CNTLN: variants seen among roughly 807,000 people sequenced by gnomAD.
The protein encoded by CNTLN is centlein, centrosomal protein.
CNTLN carries 212 observed loss-of-function variants against 180.0 expected under a neutral mutation model. The ratio of observed to expected loss-of-function variants is 1.18; its 90% CI spans 1.05 to 1.32. The LOEUF is 1.32. Ranked by LOEUF, CNTLN falls within the 40% of genes most tolerant of loss-of-function variation. The pLI, the probability that CNTLN is intolerant of heterozygous loss-of-function variation, is 0.00. For synonymous variants in CNTLN, 722 were observed against 563.1 expected (o/e 1.28, Z -3.99); for missense variants, 2,095 against 1,610.9 (o/e 1.30, Z -5.14).
chr9:17,303,706 A>G (rs1818522171), intron 7 of CNTLN, among the ~76,000 whole-genome samples: 1 of 152,054 alleles, frequency 6.6e-6, no homozygotes, highest in Admixed American at 6.6e-5. Flanking sequence ...CATTATATGT[A>G]TTGTCTTTAT....
At position 17,226,217 on chromosome 9, in the gene CNTLN, C is replaced by A; in HGVS notation, c.464C>A (p.Ser155Tyr). Residue 155 changes from serine (S) to tyrosine (Y), a missense_variant, in exon 3 of 26, where the codon TCT (serine) becomes TAT (tyrosine). Physicochemically the swap from Ser to Tyr is moderately radical, Grantham distance 144 (BLOSUM62 -2). Transcript: ENST00000380647. Reference sequence around the variant, plus strand: ...TTTATATCTAGAGAAAAACAGAAATCTGAAGCTAAAGACAGAAAAGTTCTA... The same window carrying A: ...TTTATATCTAGAGAAAAACAGAAATATGAAGCTAAAGACAGAAAAGTTCTA... The part of the protein sequence containing the change: ...SLVVEREKQK[S>Y]EAKDRKVLEI... The A allele has an allele frequency of 6.4e-7, 1 of 1,564,566 alleles. No homozygotes were observed. Among genetic ancestry groups the A allele is most frequent in the Non-Finnish European group, 8.7e-7 (1 of 1,155,108 alleles).
At chr9:17,306,298 T>C (rs1405227135) in intron 7 of CNTLN, among the ~76,000 whole-genome samples, 2 of 152,008 alleles carry the variant, frequency 1.3e-5, no homozygotes, top group Non-Finnish European at 2.9e-5. Flanking sequence ...TACAGGCGTG[T>C]GCCACCATGC....
chr9:17,509,856 G>A, the CNTLN span, among the ~76,000 whole-genome samples: 1 of 152,068 alleles, frequency 6.6e-6, no homozygotes, highest in African/African-American at 2.4e-5. Flanking sequence ...GCTTCCACCA[G>A]GAGACACAAC....
the CNTLN span, among the ~76,000 whole-genome samples, chr9:17,519,100 A>G: frequency 4.6e-5 from 7 of 151,324 alleles, no homozygotes; most frequent in African/African-American, 1.7e-4. Context: ...TTATTTATTT[A>G]TTTATTTTTT....
At chr9:17,250,525 G>A (rs927687055) in intron 5 of CNTLN, among the ~76,000 whole-genome samples, 1 of 151,600 alleles carries the variant, frequency 6.6e-6, no homozygotes, top group Non-Finnish European at 1.5e-5. Context: ...ATTTCTTTGT[G>A]CTTACCATGT....
At chr9:17,401,959 T>C (rs1827012335) in intron 15 of CNTLN, among the ~76,000 whole-genome samples, 1 of 151,730 alleles carries the variant, frequency 6.6e-6, no homozygotes, top group South Asian at 2.1e-4. Flanking sequence ...ACAAATTATA[T>C]AAAAAGACGC....
rs1233525402 is a variant in CNTLN, at chr9:17,503,108, G to T, written c.*456G>T. 2.0e-5 allele frequency: 3 copies of T among 152,338 alleles called. No individual in the cohort carries two copies. The highest frequency in any genetic ancestry group is 2.9e-5 in the Non-Finnish European group (2 of 68,148). 9.4% of individuals were successfully genotyped at this position (152,338 alleles called of 1,614,324 possible). On this transcript the variant is annotated 3_prime_UTR_variant, in exon 26 of 26. Coordinates refer to ENST00000380647, the MANE Select transcript of CNTLN (RefSeq NM_017738.4). ...TTTGTAGTATGAGCAAATATAAAAT[G>T]AAGCATCATAACTTGAGCATTTATT...
chr9:17,440,484 G>C (rs1417073949), intron 18 of CNTLN, among the ~76,000 whole-genome samples: 1 of 150,138 alleles, frequency 6.7e-6, no homozygotes, highest in Non-Finnish European at 1.5e-5. Flanking sequence ...AGCTATTCGA[G>C]AGGCTGAGGC....
chr9:17,398,157 G>A (rs1459122794), intron 15 of CNTLN, among the ~76,000 whole-genome samples: 1 of 152,140 alleles, frequency 6.6e-6, no homozygotes, highest in African/African-American at 2.4e-5. Flanking sequence ...AGGAGGAGGT[G>A]TTTATATCTT....
chr9:17,469,770 C>G (rs1831955164), intron 23 of CNTLN, among the ~76,000 whole-genome samples: 2 of 151,962 alleles, frequency 1.3e-5, no homozygotes, highest in East Asian at 1.9e-4. Context: ...AGATTTAACT[C>G]TGGGCCTTTC....
At chr9:17,320,783 A>G (rs1819857356) in intron 8 of CNTLN, among the ~76,000 whole-genome samples, 1 of 152,212 alleles carries the variant, frequency 6.6e-6, no homozygotes, top group Non-Finnish European at 1.5e-5. Flanking sequence ...GATTACAGGC[A>G]CAAGCCACCG....
intron 12 of CNTLN, among the ~76,000 whole-genome samples, chr9:17,364,781 G>A (rs1418631384): frequency 6.6e-6 from 1 of 152,064 alleles, no homozygotes; most frequent in Non-Finnish European, 1.5e-5. Flanking sequence ...GTGTCTTCCT[G>A]AACCCTCCAG....
chr9:17,472,366 T>C (rs1832081948), intron 23 of CNTLN, among the ~76,000 whole-genome samples: 1 of 152,122 alleles, frequency 6.6e-6, no homozygotes, highest in Admixed American at 6.5e-5. Context: ...ATTATTTGTA[T>C]CTCATTTTAG....
intron 6 of CNTLN, among the ~76,000 whole-genome samples, chr9:17,284,272 C>G (rs775576993): frequency 7.9e-5 from 12 of 152,098 alleles, no homozygotes; most frequent in Admixed American, 2.6e-4. Context: ...TGATACTGAC[C>G]TCATAAAATG....
the CNTLN span, among the ~76,000 whole-genome samples, chr9:17,510,686 C>A: frequency 6.6e-6 from 1 of 152,190 alleles, no homozygotes; most frequent in Admixed American, 6.5e-5. Flanking sequence ...CCTGCCTGCC[C>A]ACTCTGCAGA....
intron 15 of CNTLN, among the ~76,000 whole-genome samples, chr9:17,395,497 T>C (rs1433772754): frequency 6.6e-6 from 1 of 152,196 alleles, no homozygotes; most frequent in East Asian, 1.9e-4. Flanking sequence ...TTTTCCCCCT[T>C]AATTTAGTTA....
At position 17,394,827 on chromosome 9, in the gene CNTLN, G is replaced by C; in HGVS notation, c.2373G>C (p.Leu791=). ...ANALRNENEE[L]INPMEKSHQS... ...CATTGAGAAATGAAAATGAAGAGCT[G>C]ATCAACCCAATGGAGAAATCACACC... The change falls in exon 15 of 26, where the codon CTG becomes CTC. Residue 791 remains leucine, a synonymous_variant. Transcript: ENST00000380647. The C allele has an allele frequency of 6.2e-7, 1 of 1,613,932 alleles. No individual in the cohort carries two copies. Among genetic ancestry groups the C allele is most frequent in the Non-Finnish European group, 8.5e-7 (1 of 1,179,976 alleles).
intron 19 of CNTLN, among the ~76,000 whole-genome samples, chr9:17,458,393 T>G (rs1290220386): frequency 6.6e-6 from 1 of 151,990 alleles, no homozygotes; most frequent in Non-Finnish European, 1.5e-5. Context: ...CTCACATATT[T>G]AATTATTTTC....
chr9:17,496,015 A>G (rs1278212124), intron 25 of CNTLN, among the ~76,000 whole-genome samples: 1 of 152,166 alleles, frequency 6.6e-6, no homozygotes, highest in Non-Finnish European at 1.5e-5. Context: ...CAACGCCAAA[A>G]TTGCCTAACA....
Sources: allele counts gnomAD v4.1 joint callset (sites outside exome capture counted in the v4.1 genomes callset), GRCh38; gene constraint gnomAD v4.1.1; transcripts MANE v1.5; gene names NCBI Gene and HGNC (gene_info 2026-07-23, HGNC 2026-07-21).